ST6GALNAC3: variants seen among roughly 807,000 people sequenced by gnomAD.
ST6GALNAC3 encodes the protein ST6 N-acetylgalactosaminide alpha-2,6-sialyltransferase 3.
In ST6GALNAC3, 25 loss-of-function variants were observed where a neutral mutation model predicts 32.7. The observed-to-expected ratio is 0.76, with a 90% confidence interval of 0.56 to 1.07. The LOEUF is 1.07. Among genes scored for constraint, ST6GALNAC3 ranks in the 50% least tolerant of loss-of-function variants. ST6GALNAC3 has a pLI of 0.00. For synonymous variants in ST6GALNAC3, 129 were observed against 133.1 expected, an observed-to-expected ratio of 0.97 and a Z score of 0.21; for missense variants, 355 against 382.4, an observed-to-expected ratio of 0.93 and a Z score of 0.60.
intron 1 of ST6GALNAC3, among the ~76,000 whole-genome samples, chr1:76,285,115 T>C (rs9437402): frequency 0.48 from 72,441 of 151,976 alleles, 17,550 homozygotes; most frequent in African/African-American, 0.55. Flanking sequence ...AATGATCACA[T>C]AGAGAATTCC....
At chr1:76,410,135 G>A (rs561024993) in intron 2 of ST6GALNAC3, among the ~76,000 whole-genome samples, 25 of 151,932 alleles carry the variant, frequency 1.6e-4, no homozygotes, top group Non-Finnish European at 2.4e-4. Flanking sequence ...CCTCTGTCCC[G>A]AGCCCTTCAA....
Position 76,630,109 on chromosome 1 carries a change from G to A in ST6GALNAC3, c.*1303G>A. 1.0e-6 allele frequency: 1 copy of A among 985,210 alleles called. No individual in the cohort carries two copies. The highest frequency in any genetic ancestry group is 1.2e-6 in the Non-Finnish European group (1 of 829,830). 61.0% of individuals were successfully genotyped at this position (985,210 alleles called of 1,614,324 possible). A position where few individuals can be genotyped will look rare whatever the true frequency, so the allele number is the denominator to read the frequency against. On this transcript the variant is annotated 3_prime_UTR_variant, in exon 5 of 5. Transcript: ENST00000328299. ...TCTGTGTATTCTGCTCTCTTTAGCA[G>A]ATGATCTGTAATTTGGTCATTGTTC...
chr1:76,408,434 G>A (rs563752212), intron 2 of ST6GALNAC3, among the ~76,000 whole-genome samples: 7 of 152,184 alleles, frequency 4.6e-5, no homozygotes, highest in South Asian at 2.1e-4. Context: ...CCTCAAAGCC[G>A]TTGCATTCAT....
chr1:76,484,076 T>C (rs1659928853), intron 3 of ST6GALNAC3, among the ~76,000 whole-genome samples: 1 of 152,188 alleles, frequency 6.6e-6, no homozygotes, highest in African/African-American at 2.4e-5. Context: ...GTTCCATTAG[T>C]CTATATGTCT....
rs147820071 is a variant in ST6GALNAC3 at position 76,540,362 on chromosome 1, G to C, written c.624-87090G>C. ...CACACACTAGGGCCTGTTGGGGAGT[G>C]GGGGGTGAGGTGAGGGAACTTAGAG... On this transcript the variant is annotated intron_variant, in intron 3 of 4. Transcript: ENST00000328299. Among the ~76,000 whole-genome samples, 590 of 152,160 alleles carry C rather than the reference G, an allele frequency of 3.9e-3. 3 individuals carry two copies. The highest frequency in any genetic ancestry group is 0.014 in the African/African-American group (569 of 41,504).
intron 3 of ST6GALNAC3, among the ~76,000 whole-genome samples, chr1:76,463,789 G>A (rs1325298676): frequency 6.6e-6 from 1 of 152,082 alleles, no homozygotes; most frequent in Non-Finnish European, 1.5e-5. Context: ...TTTGACCTGT[G>A]AGGCTGGTCA....
intron 3 of ST6GALNAC3, among the ~76,000 whole-genome samples, chr1:76,625,082 T>C (rs1164058678): frequency 3.3e-5 from 5 of 152,008 alleles, no homozygotes; most frequent in Admixed American, 2.0e-4. Flanking sequence ...AAGCCTCATG[T>C]TCGAGTAGCA....
At chr1:76,206,087 T>C (rs1429062495) in intron 1 of ST6GALNAC3, among the ~76,000 whole-genome samples, 1 of 152,212 alleles carries the variant, frequency 6.6e-6, no homozygotes, top group African/African-American at 2.4e-5. Flanking sequence ...GACATGGTCT[T>C]TGGACCCAAG....
chr1:76,264,162 T>A (rs1007546736), intron 1 of ST6GALNAC3, among the ~76,000 whole-genome samples: 1 of 152,178 alleles, frequency 6.6e-6, no homozygotes, highest in African/African-American at 2.4e-5. Flanking sequence ...AGCGAGTAGA[T>A]AATAGCCTGA....
At chr1:76,146,181 G>T (rs1055902314) in intron 1 of ST6GALNAC3, among the ~76,000 whole-genome samples, 2 of 152,172 alleles carry the variant, frequency 1.3e-5, no homozygotes, top group African/African-American at 4.8e-5. Context: ...ATTAAACAAG[G>T]CTTAATTCTA....
At chr1:76,093,088 T>C (rs575469508) in intron 1 of ST6GALNAC3, among the ~76,000 whole-genome samples, 1 of 152,296 alleles carries the variant, frequency 6.6e-6, no homozygotes, top group African/African-American at 2.4e-5. Context: ...GGGAGTGCAG[T>C]AGTAAAGATT....
At chr1:76,461,730 G>C (rs1477221471) in intron 3 of ST6GALNAC3, among the ~76,000 whole-genome samples, 1 of 152,310 alleles carries the variant, frequency 6.6e-6, no homozygotes, top group East Asian at 1.9e-4. Context: ...TGTAGTGGCA[G>C]TGACCACGTG....
chr1:76,151,369 G>A (rs1245574773), intron 1 of ST6GALNAC3, among the ~76,000 whole-genome samples: 7 of 152,322 alleles, frequency 4.6e-5, no homozygotes, highest in Middle Eastern at 3.4e-3. Context: ...CATCACAGGC[G>A]TGGCTTAAAG....
intron 3 of ST6GALNAC3, among the ~76,000 whole-genome samples, chr1:76,572,510 C>A (rs894752869): frequency 4.6e-5 from 7 of 152,062 alleles, no homozygotes; most frequent in African/African-American, 1.7e-4. Flanking sequence ...GACTTTATAT[C>A]CTTATGTCAC....
At chr1:76,461,128 G>T (rs1480763798) in intron 3 of ST6GALNAC3, among the ~76,000 whole-genome samples, 1 of 152,118 alleles carries the variant, frequency 6.6e-6, no homozygotes, top group Non-Finnish European at 1.5e-5. Flanking sequence ...ATTGGTCATT[G>T]TTTTATTTAA....
chr1:76,226,737 G>A (rs946523335), intron 1 of ST6GALNAC3, among the ~76,000 whole-genome samples: 4 of 152,080 alleles, frequency 2.6e-5, no homozygotes, highest in African/African-American at 7.2e-5. Context: ...CAGATCTCAC[G>A]AGAGAACTCA....
chr1:76,391,364 G>A (rs1421958032), intron 2 of ST6GALNAC3, among the ~76,000 whole-genome samples: 3 of 152,184 alleles, frequency 2.0e-5, no homozygotes, highest in Non-Finnish European at 4.4e-5. Context: ...TGCTGTGGAT[G>A]TATGGAGATC....
chr1:76,208,049 C>CCTA (rs1553165403), intron 1 of ST6GALNAC3, among the ~76,000 whole-genome samples: 2 of 51,156 alleles, frequency 3.9e-5, no homozygotes, highest in Non-Finnish European at 8.4e-5. Flanking sequence ...GTGCCCCCCC[C>CCTA]CCCAAAAAAT....
chr1:76,176,068 C>T (rs896816554), intron 1 of ST6GALNAC3, among the ~76,000 whole-genome samples: 1 of 152,136 alleles, frequency 6.6e-6, no homozygotes, highest in Non-Finnish European at 1.5e-5. Flanking sequence ...AATTCTTTCA[C>T]AGTTTAGGGT....
Sources: allele counts gnomAD v4.1 joint callset (sites outside exome capture counted in the v4.1 genomes callset), GRCh38; gene constraint gnomAD v4.1.1; transcripts MANE v1.5; gene names NCBI Gene and HGNC (gene_info 2026-07-23, HGNC 2026-07-21).